GRAMD1B: variants seen among roughly 807,000 people sequenced by gnomAD.
GRAMD1B encodes the protein protein Aster-B.
In GRAMD1B, 37 loss-of-function variants were observed where a neutral mutation model predicts 99.7. The ratio of observed to expected loss-of-function variants is 0.37; its 90% confidence interval spans 0.29 to 0.49. The LOEUF is 0.49. Among genes scored for constraint, GRAMD1B ranks in the 20% least tolerant of loss-of-function variants. GRAMD1B has a pLI of 0.98. For synonymous variants in GRAMD1B, 427 were observed against 387.6 expected (o/e 1.10, Z -1.19); for missense variants, 888 against 1,009.2 (o/e 0.88, Z 1.63).
intron 2 of GRAMD1B, among the ~76,000 whole-genome samples, chr11:123,498,289 T>C (rs1939521816): frequency 1.3e-5 from 2 of 152,300 alleles, no homozygotes; most frequent in East Asian, 3.9e-4. Context: ...TCCCCCTGCT[T>C]TTCTCAAACT....
At chr11:123,396,049 C>A (rs114779190) in intron 1 of GRAMD1B, among the ~76,000 whole-genome samples, 3 of 152,090 alleles carry the variant, frequency 2.0e-5, no homozygotes, top group Non-Finnish European at 2.9e-5. Context: ...AGGCTGGGGT[C>A]GATGAATGGA....
chr11:123,403,288 G>A (rs1947731812), intron 1 of GRAMD1B, among the ~76,000 whole-genome samples: 1 of 151,632 alleles, frequency 6.6e-6, no homozygotes, highest in South Asian at 2.1e-4. Context: ...TTAGCCAGGC[G>A]TGATGGTGCA....
intron 1 of GRAMD1B, among the ~76,000 whole-genome samples, chr11:123,363,717 T>G (rs1946225540): frequency 1.3e-5 from 2 of 152,154 alleles, no homozygotes; most frequent in Non-Finnish European, 1.5e-5. Context: ...TTGCTTAGAA[T>G]TTGGGTGCTC....
intron 3 of GRAMD1B, chr11:123,578,478 T>C (rs1456460105): frequency 1.5e-6 from 2 of 1,379,190 alleles, no homozygotes; most frequent in African/African-American, 1.4e-5. Flanking sequence ...CTAGTGTCGA[T>C]CTGTCTGTAG....
Position 123,614,757 on chromosome 11 carries a change from C to T in GRAMD1B, c.2240C>T (p.Thr747Met), listed in dbSNP as rs1954115805. Residue 747 changes from threonine to methionine, a missense_variant, in exon 17 of 20, where the codon ACG (threonine) becomes ATG (methionine). This residue lies in a region of GRAMD1B where 232 missense variants were observed against 261.7 expected (regional missense o/e 0.89). Coordinates refer to ENST00000635736, the MANE Select transcript of GRAMD1B (RefSeq NM_001387025.1). Reference protein sequence around the residue: ...RIKHVAGSTQTRHIPEDTPNG... With the variant: ...RIKHVAGSTQMRHIPEDTPNG... The stretch of plus-strand genomic sequence containing the variant: ...ATTCTCCCCACAGGTTCCACACAGA[C>T]GCGGCATATCCCGGAGGACACCCCC... 3.1e-6 allele frequency: 5 copies of T among 1,608,980 alleles called. No individual in the cohort carries two copies. Among genetic ancestry groups the T allele is most frequent in the Non-Finnish European group, 3.4e-6 (4 of 1,175,576 alleles).
chr11:123,452,953 A>C (rs995456934), intron 1 of GRAMD1B, among the ~76,000 whole-genome samples: 9 of 152,208 alleles, frequency 5.9e-5, no homozygotes, highest in African/African-American at 2.2e-4. Context: ...TGAAGTAAAG[A>C]ATTCAATATT....
chr11:123,571,858 G>A (rs1792005), intron 2 of GRAMD1B, among the ~76,000 whole-genome samples: 89,479 of 151,918 alleles, frequency 0.59, 27,926 homozygotes, highest in African/African-American at 0.81. Flanking sequence ...CTTGAACCCC[G>A]TACCCTTCAC....
At chr11:123,468,436 A>G (rs951904006) in intron 1 of GRAMD1B, among the ~76,000 whole-genome samples, 5 of 152,166 alleles carry the variant, frequency 3.3e-5, no homozygotes, top group Non-Finnish European at 5.9e-5. Flanking sequence ...ATAGTATGGT[A>G]GAAGGTTTAG....
At chr11:123,470,155 A>G (rs569578814) in intron 1 of GRAMD1B, among the ~76,000 whole-genome samples, 39 of 152,308 alleles carry the variant, frequency 2.6e-4, no homozygotes, top group African/African-American at 8.2e-4. Context: ...TGATCAAGTC[A>G]TATTCAGGAC....
Position 123,482,689 on chromosome 11 carries a change from C to T in GRAMD1B, c.452+1796C>T, listed in dbSNP as rs532856976. On this transcript the variant is annotated intron_variant, in intron 2 of 19. Coordinates refer to ENST00000635736, the MANE Select transcript of GRAMD1B (RefSeq NM_001387025.1). The stretch of plus-strand genomic sequence containing the variant: ...TATGACCATATTTCGTGTATTATTC[C>T]AGTTCTTTGAAAGTGGATGTGGATG... Among the ~76,000 whole-genome samples, 20 of 152,200 alleles carry T rather than the reference C, an allele frequency of 1.3e-4. No individual in the cohort carries two copies. In the South Asian group the frequency reaches 3.9e-3, roughly 30 times the overall value.
Position 123,541,099 on chromosome 11 carries a change from G to T in GRAMD1B, c.453-36268G>T, listed in dbSNP as rs1001501368. 2.6e-5 allele frequency among the ~76,000 whole-genome samples: 4 copies of T among 152,030 alleles called. No homozygotes were observed. In the East Asian group the frequency reaches 7.7e-4, roughly 29 times the overall value. ...AGGAGTTCTCCTGCCTCAGCCTCCC[G>T]AGTAGCTGGTATTACAGGCATGTGC... On this transcript the variant is annotated intron_variant, in intron 2 of 19. Transcript: ENST00000635736.
intron 1 of GRAMD1B, among the ~76,000 whole-genome samples, chr11:123,436,092 G>A (rs539683371): frequency 4.6e-5 from 7 of 151,860 alleles, no homozygotes; most frequent in South Asian, 4.2e-4. Context: ...ACAGAAGCTC[G>A]CCACCACGCC....
intron 1 of GRAMD1B, among the ~76,000 whole-genome samples, chr11:123,462,897 A>ATT (rs200728708): frequency 6.7e-6 from 1 of 148,438 alleles, no homozygotes; most frequent in Non-Finnish European, 1.5e-5. Flanking sequence ...AAATTAAAAA[A>ATT]AAAAAAAAAA....
At chr11:123,518,599 T>C (rs1281732142) in intron 2 of GRAMD1B, among the ~76,000 whole-genome samples, 1 of 152,112 alleles carries the variant, frequency 6.6e-6, no homozygotes, top group East Asian at 1.9e-4. Flanking sequence ...ATTACAACCT[T>C]ATAGAGCGGC....
At chr11:123,551,256 G>C (rs983450207) in intron 2 of GRAMD1B, among the ~76,000 whole-genome samples, 2 of 152,164 alleles carry the variant, frequency 1.3e-5, no homozygotes, top group African/African-American at 4.8e-5. Context: ...TTTGGGCGAG[G>C]CTGCTTCCTT....
chr11:123,455,623 G>T (rs550452455), intron 1 of GRAMD1B, among the ~76,000 whole-genome samples: 4 of 152,286 alleles, frequency 2.6e-5, no homozygotes, highest in African/African-American at 9.6e-5. Flanking sequence ...TCCAGGCTCT[G>T]CCACTTACTC....
chr11:123,525,877 C>A, intron 2 of GRAMD1B: 1 of 523,292 alleles, frequency 1.9e-6, no homozygotes, highest in Non-Finnish European at 3.4e-6. Context: ...AGCCACAGCT[C>A]GGGCAGGCGG....
chr11:123,547,527 C>T (rs1945138269), intron 2 of GRAMD1B, among the ~76,000 whole-genome samples: 1 of 152,188 alleles, frequency 6.6e-6, no homozygotes, highest in African/African-American at 2.4e-5. Context: ...TAGAATATTC[C>T]TTGTTATTTC....
In GRAMD1B at chr11:123,402,307, A is replaced by G. The variant is rs372766071; in HGVS notation, c.-176+43508A>G. On this transcript the variant is annotated intron_variant, in intron 1 of 20. Coordinates refer to the GRAMD1B transcript ENST00000638157. ...GCTGGGATTACAGGTACGAGCCACC[A>G]CGCCCGGCCAAGGACCATGTTCTTG... 1.2e-4 allele frequency among the ~76,000 whole-genome samples: 19 copies of G among 152,264 alleles called. No homozygotes were observed. In the East Asian group the frequency reaches 1.9e-3, roughly 15 times the overall value.
Sources: allele counts gnomAD v4.1 joint callset (sites outside exome capture counted in the v4.1 genomes callset), GRCh38; gene constraint gnomAD v4.1.1; regional missense constraint gnomAD v4.1.1; transcripts MANE v1.5; gene names NCBI Gene and HGNC (gene_info 2026-07-23, HGNC 2026-07-21).